PSG3: variants seen among roughly 807,000 people sequenced by gnomAD.
The protein encoded by PSG3 is pregnancy specific beta-1-glycoprotein 3.
In PSG3, 61 loss-of-function variants were observed where a neutral mutation model predicts 47.5. The observed-to-expected ratio is 1.28, with a 90% CI of 1.05 to 1.59. The LOEUF (loss-of-function observed/expected upper bound fraction) is 1.59, where lower values mean the gene tolerates loss of function less well. Ranked by LOEUF, PSG3 falls within the 40% of genes most tolerant of loss-of-function variation. The probability of loss-of-function intolerance (pLI) is 0.00; values close to 1 mark genes in which losing one functional copy is unlikely to be tolerated. For missense variants in PSG3, 756 were observed against 524.0 expected, an observed-to-expected ratio of 1.44 and a Z score of -4.32; for synonymous variants, 263 against 198.4, an observed-to-expected ratio of 1.33 and a Z score of -2.74.
intron 1 of PSG3, 91 bp from the exon 2 acceptor site, chr19:42,739,180 C>A: frequency 6.9e-7 from 1 of 1,456,506 alleles, no homozygotes; most frequent in South Asian, 1.3e-5. Flanking sequence ...TCTCTTCAAT[C>A]CTCAGCTTTG....
At position 42,725,209 on chromosome 19, in the gene PSG3, A is replaced by G. The variant is rs528348526; in HGVS notation, c.1244-1184T>C. Among the ~76,000 whole-genome samples, 162 of 152,328 alleles carry G rather than the reference A, an allele frequency of 1.1e-3. 1 individual carries two copies. The highest frequency in any genetic ancestry group is 3.8e-3 in the African/African-American group (156 of 41,572). On this transcript the variant is annotated intron_variant, in intron 5 of 6. Coordinates refer to ENST00000327495, the MANE Select transcript of PSG3 (RefSeq NM_021016.4). The stretch of plus-strand genomic sequence containing the variant: ...TGCATTAAACCTTTAAAAGAAAGGT[A>G]TGAAGAAAGCACTCTTATTGCAGTT...
chr19:42,731,131 G>A (rs1969466659), intron 3 of PSG3, among the ~76,000 whole-genome samples: 2 of 152,198 alleles, frequency 1.3e-5, no homozygotes, highest in Admixed American at 1.3e-4. Flanking sequence ...GTTGTTCATG[G>A]GTGGGCAGTT....
intron 5 of PSG3, among the ~76,000 whole-genome samples, chr19:42,727,906 G>A (rs973162582): frequency 3.3e-5 from 5 of 152,178 alleles, no homozygotes; most frequent in South Asian, 2.1e-4. Context: ...AGGCAAATGA[G>A]GTGTATCTAT....
intron 2 of PSG3, 97 bp downstream of exon 2, chr19:42,738,627 A>G (rs1969606419): frequency 1.2e-6 from 2 of 1,605,424 alleles, no homozygotes; most frequent in Non-Finnish European, 1.7e-6. Context: ...GACATAATGC[A>G]GAGAGGGACA....
chr19:42,723,610 T>C (rs1301222499), intron 6 of PSG3, among the ~76,000 whole-genome samples: 1 of 152,148 alleles, frequency 6.6e-6, no homozygotes, highest in Non-Finnish European at 1.5e-5. Context: ...TGAGAAGTGG[T>C]TGAGCTTTAT....
intron 3 of PSG3, among the ~76,000 whole-genome samples, chr19:42,730,415 G>A (rs1353305927): frequency 6.6e-6 from 1 of 152,162 alleles, no homozygotes; most frequent in African/African-American, 2.4e-5. Flanking sequence ...CAACTGGTGG[G>A]CCCCTTCCAA....
At chr19:42,740,066 C>T (rs1004068511) in intron 1 of PSG3, among the ~76,000 whole-genome samples, 2 of 152,008 alleles carry the variant, frequency 1.3e-5, no homozygotes, top group South Asian at 2.1e-4. Flanking sequence ...GATTCTCCTG[C>T]CTCAGCCTCC....
intron 2 of PSG3, among the ~76,000 whole-genome samples, chr19:42,736,158 A>C (rs140405605): frequency 2.8e-3 from 433 of 152,342 alleles, no homozygotes; most frequent in Non-Finnish European, 5.2e-3. Context: ...GAGGGAACTG[A>C]ATTCTGCTAA....
Position 42,740,368 on chromosome 19 carries a change from G to A in PSG3, c.17C>T (p.Ala6Val). Residue 6 changes from alanine (A) to valine (V), a missense_variant, in exon 1 of 7, where the codon GCC becomes GTC. Ala to Val is a moderately conservative substitution (Grantham distance 64, BLOSUM62 0). Transcript: ENST00000327495. MGPLS[A>V]PPCTQRITWK... ...GGTGATGCGCTGTGTGCAGGGAGGG[G>A]CTGAGAGGGGCCCCATGGTCTCTGC... 2 of 1,613,998 alleles carry A rather than the reference G, an allele frequency of 1.2e-6. No homozygotes were observed. The highest frequency in any genetic ancestry group is 2.2e-5 in the East Asian group (1 of 44,866).
intron 2 of PSG3, 31 bp from the exon 3 acceptor site, chr19:42,733,093 G>C: frequency 6.3e-7 from 1 of 1,599,936 alleles, no homozygotes; most frequent in Non-Finnish European, 8.5e-7. Flanking sequence ...AGATTGCCCT[G>C]TGTGGCACCT....
intron 4 of PSG3, 39 bp from the exon 5 acceptor site, chr19:42,729,416 G>A (rs374324013): frequency 2.9e-5 from 46 of 1,583,944 alleles, no homozygotes; most frequent in African/African-American, 9.4e-5. Context: ...GATGTCATCC[G>A]AGGGAAGGGG....
At chr19:42,723,547 G>A (rs1969328986) in intron 6 of PSG3, among the ~76,000 whole-genome samples, 1 of 152,198 alleles carries the variant, frequency 6.6e-6, no homozygotes, top group South Asian at 2.1e-4. Flanking sequence ...TAATGAGGCA[G>A]TCATATGCAA....
chr19:42,737,376 GTGTC>G (rs1364244890), intron 2 of PSG3, among the ~76,000 whole-genome samples: 9 of 152,126 alleles, frequency 5.9e-5, no homozygotes, highest in Non-Finnish European at 1.2e-4. Flanking sequence ...GCTCCTGAGT[GTGTC>G]TGTCTCGCTG....
chr19:42,729,695 C>CAG (rs933895392), intron 4 of PSG3, 83 bp downstream of exon 4: 6 of 1,572,980 alleles, frequency 3.8e-6, no homozygotes, highest in African/African-American at 2.7e-5. Flanking sequence ...ATACTTGGAC[C>CAG]AGAGAGAGAG....
In PSG3 at chr19:42,729,864, G is replaced by A. The variant is rs138127977; in HGVS notation, c.902C>T (p.Thr301Met). 2.7e-5 allele frequency: 44 copies of A among 1,612,902 alleles called. No homozygotes were observed. Among genetic ancestry groups the A allele is most frequent in the Admixed American group, 3.3e-5 (2 of 60,018 alleles). The change falls in exon 4 of 7, where the codon ACG becomes ATG. Residue 301 changes from threonine (T) to methionine (M), a missense_variant. Physicochemically the swap from Thr to Met is moderately conservative, Grantham distance 81. Transcript: ENST00000327495. Reference protein sequence around the residue: ...ENRILILPSVTRNETGPYQCE... With the variant: ...ENRILILPSVMRNETGPYQCE... ...TTGATAGGGTCCTGTTTCATTTCTCGTGACACTGGGTAGAATGAGGATCCT... is the reference window on the plus strand; with the variant it reads ...TTGATAGGGTCCTGTTTCATTTCTCATGACACTGGGTAGAATGAGGATCCT...
rs1434922934 is a variant in PSG3 at position 42,723,954 on chromosome 19, C to G, written c.*28G>C. ...AAGGTCATCATACCTGCCAGTCTTC[C>G]TGAAATACAGAAATGACATCACGGC... On this transcript the variant is annotated 3_prime_UTR_variant, in exon 6 of 7. Coordinates refer to ENST00000327495, the MANE Select transcript of PSG3 (RefSeq NM_021016.4). 6.3e-7 allele frequency: 1 copy of G among 1,594,584 alleles called. No individual in the cohort carries two copies.
At position 42,721,815 on chromosome 19, in the gene PSG3, A is replaced by T; in HGVS notation, c.*316T>A. On this transcript the variant is annotated 3_prime_UTR_variant, in exon 7 of 7. Transcript: ENST00000327495. ...TAAATCTGGAGAATAAAACATTCAA[A>T]GAATCAGCACATTTTCAAATAGAAA... 2.4e-6 allele frequency: 1 copy of T among 410,684 alleles called. No homozygotes were observed. Among genetic ancestry groups the T allele is most frequent in the East Asian group, 3.6e-5 (1 of 27,894 alleles). 25.4% of individuals were successfully genotyped at this position (410,684 alleles called of 1,614,324 possible). A position where few individuals can be genotyped will look rare whatever the true frequency, so the allele number is the denominator to read the frequency against.
intron 2 of PSG3, among the ~76,000 whole-genome samples, chr19:42,738,091 T>G (rs1429884583): frequency 2.0e-5 from 3 of 152,220 alleles, no homozygotes; most frequent in Non-Finnish European, 2.9e-5. Flanking sequence ...AAGGCAGTTG[T>G]CTGATGGCCT....
intron 6 of PSG3, among the ~76,000 whole-genome samples, chr19:42,722,662 A>G (rs1043452200): frequency 2.6e-5 from 4 of 152,190 alleles, no homozygotes; most frequent in East Asian, 1.9e-4. Flanking sequence ...TATCAAATAA[A>G]GTGGCTTTTC....
Sources: gnomAD v4.1 joint callset for allele counts (sites outside exome capture counted in the v4.1 genomes callset) on GRCh38, gnomAD v4.1.1 for gene constraint, MANE v1.5 for transcripts, NCBI Gene and HGNC (gene_info 2026-07-23, HGNC 2026-07-21) for gene names.